The following WNK1 variants were observed in gnomAD, a reference collection of about 807,000 sequenced individuals.
WNK1 encodes the protein WNK lysine deficient protein kinase 1.
A neutral mutation model predicts 222.8 loss-of-function variants in WNK1; 38 were observed. That is an observed-to-expected ratio of 0.17 (90% CI 0.13 to 0.22). The LOEUF is 0.22. WNK1 is among the 10% of genes least tolerant of loss of function. The pLI, the probability that WNK1 is intolerant of heterozygous loss-of-function variation, is 1.00. For missense variants in WNK1, 2,348 were observed against 2,918.4 expected, an observed-to-expected ratio of 0.80 and a Z score of 4.50; for synonymous variants, 1,090 against 1,092.9, an observed-to-expected ratio of 1.00 and a Z score of 0.05.
intron 26 of WNK1, among the ~76,000 whole-genome samples, chr12:907,353 G>T (rs1412545301): frequency 1.3e-5 from 2 of 150,132 alleles, no homozygotes; most frequent in Non-Finnish European, 1.5e-5. Context: ...GAATGTGGCA[G>T]TGTCCAATGG....
At chr12:889,626 G>C (rs1171950676) in intron 21 of WNK1, among the ~76,000 whole-genome samples, 2 of 152,218 alleles carry the variant, frequency 1.3e-5, no homozygotes, top group East Asian at 3.9e-4. Context: ...AGACCGTCCT[G>C]GCTAACACGG....
In WNK1 at chr12:884,561, T is replaced by C. The variant is rs1953487213; in HGVS notation, c.3845-88T>C. 2 of 1,343,086 alleles carry C rather than the reference T, an allele frequency of 1.5e-6. No individual in the cohort carries two copies. The highest frequency in any genetic ancestry group is 4.7e-5 in the East Asian group (2 of 42,928). 83.2% of individuals were successfully genotyped at this position (1,343,086 alleles called of 1,614,324 possible). A position where few individuals can be genotyped will look rare whatever the true frequency, so the allele number is the denominator to read the frequency against. Reference sequence around the variant, plus strand: ...ATATTTTTTATCAAAAACAGATATTTATAGGAGCTGACTTAGGCTAGCAGA... The same window carrying C: ...ATATTTTTTATCAAAAACAGATATTCATAGGAGCTGACTTAGGCTAGCAGA... On this transcript the variant is annotated intron_variant, in intron 18 of 27. Coordinates refer to ENST00000315939, the MANE Select transcript of WNK1 (RefSeq NM_018979.4). The surrounding 1 kb of genome is among the most constrained non-coding windows in gnomAD (Gnocchi z 5.6).
intron 1 of WNK1, among the ~76,000 whole-genome samples, chr12:807,245 G>A (rs879434219): frequency 6.6e-6 from 1 of 151,528 alleles, no homozygotes; most frequent in Non-Finnish European, 1.5e-5. Flanking sequence ...ATCACTTGAG[G>A]CCAGGAATTC....
intron 8 of WNK1, chr12:867,973 C>T: frequency 1.9e-6 from 3 of 1,614,028 alleles, no homozygotes; most frequent in Non-Finnish European, 2.5e-6. Context: ...CACCTCCCAC[C>T]TGCCCACCGA....
At chr12:883,663 C>T (rs781435104) in intron 16 of WNK1, 95 bp downstream of exon 16, 5 of 1,594,502 alleles carry the variant, frequency 3.1e-6, no homozygotes, top group Admixed American at 1.7e-5. Flanking sequence ...TATCACCTGA[C>T]ACCCATGACC....
At position 908,497 on chromosome 12, in the gene WNK1, T is replaced by A. The variant is rs1207406562; in HGVS notation, c.6854T>A (p.Phe2285Tyr). ...NYEGPGMARKFSAPGQLCISM... is the reference protein window; with the variant it reads ...NYEGPGMARKYSAPGQLCISM... ...CAGGGCCCTGGAATGGCAAGGAAGT[T>A]CTCTGCACCTGGGCAACTGTGCATC... is the stretch of plus-strand genomic sequence containing the variant. Residue 2285 changes from phenylalanine to tyrosine, a missense_variant, in exon 28 of 28, where the codon TTC becomes TAC. Physicochemically the swap from Phe to Tyr is conservative, Grantham distance 22 (BLOSUM62 3). Coordinates refer to ENST00000315939, the MANE Select transcript of WNK1 (RefSeq NM_018979.4). 6.2e-7 allele frequency: 1 copy of A among 1,614,172 alleles called. No homozygotes were observed. Among genetic ancestry groups the A allele is most frequent in the South Asian group, 1.1e-5 (1 of 91,088 alleles).
At chr12:887,534 T>G (rs1056358767) in intron 20 of WNK1, among the ~76,000 whole-genome samples, 2 of 152,232 alleles carry the variant, frequency 1.3e-5, no homozygotes, top group African/African-American at 2.4e-5. Context: ...ATACTAATTT[T>G]TTTTTTATAT....
chr12:908,962 C>G lies in WNK1; in HGVS notation c.*170C>G, dbSNP rs1347200667. 14 of 744,516 alleles carry G rather than the reference C, an allele frequency of 1.9e-5. No homozygotes were observed. Among genetic ancestry groups the G allele is most frequent in the Non-Finnish European group, 3.0e-5 (14 of 459,298 alleles). The allele number at this position is 744,516 out of a possible 1,614,324, so 46.1% of individuals were successfully genotyped here. On this transcript the variant is annotated 3_prime_UTR_variant, in exon 28 of 28. Transcript: ENST00000315939. ...GCATTGAGCCCTCAGAATGGAGAGT[C>G]TCCCCCGCTCCAGTTATTGGAATGG...
Position 861,086 on chromosome 12 carries a change from T to A in WNK1, c.1694T>A (p.Ile565Asn). 1 of 1,613,730 alleles carries A rather than the reference T, an allele frequency of 6.2e-7. No homozygotes were observed. ...GCTATCAAAGACAGAGTATCATTAA[T>A]TAAGAGGAAACGAGAGCAGCGGCAG... The part of the protein sequence containing the change: ...AKAIKDRVSL[I>N]KRKREQRQLV... Residue 565 changes from isoleucine to asparagine, a missense_variant, in exon 7 of 28, where the codon ATT (isoleucine) becomes AAT (asparagine). Ile to Asn is a moderately radical substitution (Grantham distance 149). Transcript: ENST00000315939.
At chr12:815,939 C>T (rs1947304043) in intron 2 of WNK1, among the ~76,000 whole-genome samples, 1 of 152,164 alleles carries the variant, frequency 6.6e-6, no homozygotes, top group South Asian at 2.1e-4. Flanking sequence ...AAAGGTTAAC[C>T]TCCAGATAAT....
chr12:786,609 A>G (rs1014109376), intron 1 of WNK1, among the ~76,000 whole-genome samples: 2 of 151,836 alleles, frequency 1.3e-5, no homozygotes, highest in African/African-American at 4.8e-5. Flanking sequence ...CTGAGATTAT[A>G]GGCTCCTGCC....
Position 753,381 on chromosome 12 carries a change from C to T in WNK1, c.-185C>T. ...GCAGCCTCGGTGCCAGCCCCCGCCGCAGCTGGGCCCAGCGGTCCGCCTGTC... is the reference window on the plus strand; with the variant it reads ...GCAGCCTCGGTGCCAGCCCCCGCCGTAGCTGGGCCCAGCGGTCCGCCTGTC... On this transcript the variant is annotated 5_prime_UTR_variant, in exon 1 of 28. It introduces an in-frame stop codon into an upstream open reading frame of the 5' UTR. Transcript: ENST00000315939. This position sits in a 1 kb window ranked among gnomAD's most constrained non-coding sequence, Gnocchi z 5.2. The T allele has an allele frequency of 1.3e-6, 1 of 745,428 alleles. No individual in the cohort carries two copies. Among genetic ancestry groups the T allele is most frequent in the Non-Finnish European group, 2.1e-6 (1 of 470,014 alleles). The allele number at this position is 745,428 out of a possible 1,614,324, so 46.2% of individuals were successfully genotyped here. A position where few individuals can be genotyped will look rare whatever the true frequency, so the allele number is the denominator to read the frequency against.
rs993578205 is a variant in WNK1, at chr12:896,449, G to A, written c.5962G>A (p.Val1988Ile). The A allele has an allele frequency of 6.2e-7, 1 of 1,613,986 alleles. No homozygotes were observed. Among genetic ancestry groups the A allele is most frequent in the East Asian group, 2.2e-5 (1 of 44,870 alleles). The part of the protein sequence containing the change: ...SPPFMDLEQA[V>I]LPAVIPKKEK... ...TCCTTTTATGGATTTGGAACAAGCT[G>A]TTCTTCCTGCTGTGATACCAAAGAA... Residue 1988 changes from valine to isoleucine, a missense_variant, in exon 24 of 28, where the codon GTT (valine) becomes ATT (isoleucine). Coordinates refer to ENST00000315939, the MANE Select transcript of WNK1 (RefSeq NM_018979.4).
At chr12:868,455 A>G in intron 8 of WNK1, 1 of 1,613,948 alleles carries the variant, frequency 6.2e-7, no homozygotes, top group South Asian at 1.1e-5. Flanking sequence ...CTGGTAGGAC[A>G]CCTTCAGAAT....
chr12:786,646 T>C (rs1944335363), intron 1 of WNK1, among the ~76,000 whole-genome samples: 1 of 152,150 alleles, frequency 6.6e-6, no homozygotes, highest in African/African-American at 2.4e-5. Context: ...TTTTGCATTT[T>C]AGTAGCGACA....
chr12:908,786 C>G lies in WNK1; in HGVS notation c.7143C>G (p.Thr2381=), dbSNP rs369472011. ...ACCCCCCAGGCTCCAACCTGCGGAC[C>G]ACTTAGACCTAGAGACATTAACTGA... is the stretch of plus-strand genomic sequence containing the variant. ...ISNPPGSNLR[T]T Residue 2381 remains threonine (T), a synonymous_variant, in exon 28 of 28, where the codon ACC becomes ACG. Coordinates refer to ENST00000315939, the MANE Select transcript of WNK1 (RefSeq NM_018979.4). 1.4e-6 allele frequency: 2 copies of G among 1,461,842 alleles called. No homozygotes were observed. Among genetic ancestry groups the G allele is most frequent in the Admixed American group, 3.7e-5 (2 of 54,366 alleles). 90.6% of individuals were successfully genotyped at this position (1,461,842 alleles called of 1,614,324 possible).
At chr12:767,306 G>A (rs773632393) in intron 1 of WNK1, among the ~76,000 whole-genome samples, 3 of 127,810 alleles carry the variant, frequency 2.3e-5, no homozygotes, top group African/African-American at 6.0e-5. Flanking sequence ...ACGCTGGAGC[G>A]CAGTGGTGCA....
chr12:757,908 G>GC (rs1157858326), intron 1 of WNK1, among the ~76,000 whole-genome samples: 2 of 145,672 alleles, frequency 1.4e-5, no homozygotes, highest in Admixed American at 6.8e-5. Flanking sequence ...TGGTCCGCAC[G>GC]CCTGTAATCC....
In WNK1 at chr12:827,421, A is replaced by AT. The variant is rs1416832984; in HGVS notation, c.1153+160dup. The AT allele has an allele frequency of 4.6e-6, 3 of 657,276 alleles. No homozygotes were observed. The highest frequency in any genetic ancestry group is 8.1e-6 in the Non-Finnish European group (3 of 369,806). 40.7% of individuals were successfully genotyped at this position (657,276 alleles called of 1,614,324 possible). On this transcript the variant is annotated intron_variant, in intron 3 of 27. Coordinates refer to ENST00000315939, the MANE Select transcript of WNK1 (RefSeq NM_018979.4). The surrounding 1 kb of genome is among the most constrained non-coding windows in gnomAD (Gnocchi z 4.6). ...GTACTTATGAGATATAGGATTCTCT[A>AT]TATTTGTGCTTCTTGGAATCATCTT...
Sources: gnomAD v4.1 joint callset for allele counts (sites outside exome capture counted in the v4.1 genomes callset) on GRCh38, gnomAD v4.1.1 for gene constraint, Gnocchi (gnomAD v3.1) non-coding constraint, MANE v1.5 for transcripts, NCBI Gene and HGNC (gene_info 2026-07-23, HGNC 2026-07-21) for gene names.